Variants in SLC45A4 observed in about 807,000 individuals in gnomAD.
SLC45A4 encodes solute carrier family 45 member 4, also known as polyamine-transporter SLC45A4.
SLC45A4 carries 32 observed loss-of-function variants against 63.7 expected under a neutral mutation model. The observed-to-expected ratio is 0.50, with a 90% CI of 0.38 to 0.67. SLC45A4 has a LOEUF of 0.67. Ranked by LOEUF, SLC45A4 falls within the 30% of genes least tolerant of loss-of-function variation. The pLI is 0.00. For missense variants in SLC45A4, 1,027 were observed against 1,157.7 expected (o/e 0.89, Z 1.64); for synonymous variants, 535 against 510.0 (o/e 1.05, Z -0.66).
intron 2 of SLC45A4, among the ~76,000 whole-genome samples, chr8:141,235,064 C>G (rs1827552707): frequency 6.6e-6 from 1 of 152,198 alleles, no homozygotes; most frequent in African/African-American, 2.4e-5. Context: ...TGCTTCATCT[C>G]CGAGTGAAGG....
intron 1 of SLC45A4, among the ~76,000 whole-genome samples, chr8:141,266,582 T>C (rs936374515): frequency 2.0e-5 from 3 of 152,214 alleles, no homozygotes; most frequent in African/African-American, 7.2e-5. Context: ...GAAATCCCAC[T>C]GACTTCCAGC....
Position 141,269,583 on chromosome 8 carries a change from T to G in SLC45A4, c.-400-14954A>C, listed in dbSNP as rs564977177. Reference sequence around the variant, plus strand: ...GTGTCAATGTCTGCCTATGTGTCTGTGTGTGTGGGTGTGTCTGTGTATCAA... The same window carrying G: ...GTGTCAATGTCTGCCTATGTGTCTGGGTGTGTGGGTGTGTCTGTGTATCAA... On this transcript the variant is annotated intron_variant, in intron 1 of 8. Coordinates refer to ENST00000517878, the MANE Select transcript of SLC45A4 (RefSeq NM_001286646.2). Among the ~76,000 whole-genome samples the G allele has an allele frequency of 4.6e-5, 7 of 151,182 alleles. No homozygotes were observed. The South Asian group carries it at 1.5e-3, about 32-fold the overall frequency.
rs180952542 is a variant in SLC45A4, at chr8:141,259,314, C to T, written c.-400-4685G>A. Reference sequence around the variant, plus strand: ...GCCTTGGGACACTGCTGACCCAGCCCGCCAGTGATGGCGCTGCACGTTCAG... The same window carrying T: ...GCCTTGGGACACTGCTGACCCAGCCTGCCAGTGATGGCGCTGCACGTTCAG... On this transcript the variant is annotated intron_variant, in intron 1 of 8. Coordinates refer to ENST00000517878, the MANE Select transcript of SLC45A4 (RefSeq NM_001286646.2). 2.2e-3 allele frequency among the ~76,000 whole-genome samples: 333 copies of T among 152,338 alleles called. 3 individuals carry two copies. The highest frequency in any genetic ancestry group is 7.8e-3 in the African/African-American group (323 of 41,584).
chr8:141,253,637 G>A (rs1355061894), intron 2 of SLC45A4, among the ~76,000 whole-genome samples: 7 of 152,184 alleles, frequency 4.6e-5, no homozygotes, highest in Admixed American at 6.5e-5. Context: ...CAGTGCTGGC[G>A]ACCCTGCCCT....
intron 1 of SLC45A4, among the ~76,000 whole-genome samples, chr8:141,298,820 C>A (rs548638475): frequency 2.0e-4 from 30 of 152,198 alleles, no homozygotes; most frequent in Non-Finnish European, 3.8e-4. Flanking sequence ...GGGGAGTGAC[C>A]GCAAAGGTGC....
At chr8:141,238,586 G>T (rs1330102844) in intron 2 of SLC45A4, among the ~76,000 whole-genome samples, 5 of 152,242 alleles carry the variant, frequency 3.3e-5, no homozygotes, top group Middle Eastern at 3.4e-3. Flanking sequence ...AGTCTATCCA[G>T]CTGTGGCCAT....
intron 2 of SLC45A4, among the ~76,000 whole-genome samples, chr8:141,251,191 G>T (rs753361088): frequency 6.6e-6 from 1 of 152,112 alleles, no homozygotes; most frequent in South Asian, 2.1e-4. Context: ...TGATTAGCTC[G>T]GTGCCAAGTC....
chr8:141,249,389 A>G (rs185465547), intron 2 of SLC45A4, among the ~76,000 whole-genome samples: 3 of 152,388 alleles, frequency 2.0e-5, no homozygotes, highest in East Asian at 3.9e-4. Context: ...TAGTCAGCAC[A>G]GAAAAGGAGC....
chr8:141,300,723 C>A (rs1830714251), intron 1 of SLC45A4, among the ~76,000 whole-genome samples: 1 of 152,242 alleles, frequency 6.6e-6, no homozygotes, highest in South Asian at 2.1e-4. Flanking sequence ...TCTAACACAC[C>A]TTTCTGTCAA....
Position 141,217,186 on chromosome 8 carries a change from G to T in SLC45A4, c.1633C>A (p.Pro545Thr). 1 of 1,613,588 alleles carries T rather than the reference G, an allele frequency of 6.2e-7. No individual in the cohort carries two copies. The highest frequency in any genetic ancestry group is 8.5e-7 in the Non-Finnish European group (1 of 1,179,936). ...QVIFEGDPKAPSNSTAWQAYN... is the reference protein window; with the variant it reads ...QVIFEGDPKATSNSTAWQAYN... ...GCTTGCCAGGCGGTCGAGTTCGAGG[G>T]GGCCTGTTCCGGAAATGAGACGGGG... The change falls in exon 6 of 9, where the codon CCC becomes ACC. Residue 545 changes from proline to threonine, a missense_variant. Physicochemically the swap from Pro to Thr is conservative, Grantham distance 38 (BLOSUM62 -1). Coordinates refer to ENST00000517878, the MANE Select transcript of SLC45A4 (RefSeq NM_001286646.2).
At chr8:141,269,598 CTGTG>C (rs1158821610) in intron 1 of SLC45A4, among the ~76,000 whole-genome samples, 2 of 147,266 alleles carry the variant, frequency 1.4e-5, no homozygotes, top group African/African-American at 5.0e-5. Context: ...GTGGGTGTGT[CTGTG>C]TATCAATGTC....
intron 2 of SLC45A4, among the ~76,000 whole-genome samples, chr8:141,237,991 TAAACAA>T (rs1345053891): frequency 6.6e-6 from 1 of 152,266 alleles, no homozygotes; most frequent in Non-Finnish European, 1.5e-5. Flanking sequence ...CTTCCCAGTC[TAAACAA>T]AACATCCTTG....
rs191783896 is a variant in SLC45A4, at chr8:141,215,102, T to A, written c.1941+657A>T. On this transcript the variant is annotated intron_variant, in intron 7 of 8. Transcript: ENST00000517878. The surrounding 1 kb of genome is among the most constrained non-coding windows in gnomAD (Gnocchi z 4.3). The stretch of plus-strand genomic sequence containing the variant: ...TGCCGCCAGCAAGCACGTGAGTGAA[T>A]CCTAGAGGATGAAGCCAGATGTTTC... Among the ~76,000 whole-genome samples the A allele has an allele frequency of 1.3e-4, 20 of 152,258 alleles. No homozygotes were observed. Among genetic ancestry groups the A allele is most frequent in the Non-Finnish European group, 2.5e-4 (17 of 68,018 alleles).
At chr8:141,269,636 T>G (rs1309110061) in intron 1 of SLC45A4, among the ~76,000 whole-genome samples, 1 of 149,768 alleles carries the variant, frequency 6.7e-6, no homozygotes. Context: ...GTGCGGGGGG[T>G]GTGTGGGGGT....
At chr8:141,258,030 T>C (rs537300755) in intron 1 of SLC45A4, among the ~76,000 whole-genome samples, 3 of 152,008 alleles carry the variant, frequency 2.0e-5, no homozygotes, top group African/African-American at 7.2e-5. Flanking sequence ...ATGGTCTCTG[T>C]TGTACATTCT....
At chr8:141,291,641 T>C (rs1830351432) in intron 1 of SLC45A4, among the ~76,000 whole-genome samples, 1 of 152,218 alleles carries the variant, frequency 6.6e-6, no homozygotes, top group African/African-American at 2.4e-5. Flanking sequence ...CCAAGAGGAA[T>C]GGACAAACGT....
chr8:141,234,106 C>A (rs574011229), intron 2 of SLC45A4, among the ~76,000 whole-genome samples: 1 of 152,250 alleles, frequency 6.6e-6, no homozygotes. Context: ...AACATCGGGG[C>A]CTGCATCGCT....
intron 2 of SLC45A4, among the ~76,000 whole-genome samples, chr8:141,253,452 C>T (rs1363031068): frequency 6.6e-6 from 1 of 152,262 alleles, no homozygotes; most frequent in African/African-American, 2.4e-5. Flanking sequence ...AAGTCAACAG[C>T]AACAATGATA....
In SLC45A4 at chr8:141,218,868, A is replaced by G; in HGVS notation, c.772T>C (p.Tyr258His). The G allele has an allele frequency of 6.2e-7, 1 of 1,613,480 alleles. No homozygotes were observed. Among genetic ancestry groups the G allele is most frequent in the Non-Finnish European group, 8.5e-7 (1 of 1,179,904 alleles). ...GCGCTGCGCTCCTGCTGCGGGCTGT[A>G]CTGCTCCTCGTCGATGCTGAACAGG... ...LHLFSIDEEQ[Y>H]SPQQERSAEE... Residue 258 changes from tyrosine (Y) to histidine (H), a missense_variant, in exon 5 of 9, where the codon TAC becomes CAC. Transcript: ENST00000517878.
Sources: gnomAD v4.1 joint callset for allele counts (sites outside exome capture counted in the v4.1 genomes callset) on GRCh38, gnomAD v4.1.1 for gene constraint, Gnocchi (gnomAD v3.1) non-coding constraint, MANE v1.5 for transcripts, NCBI Gene and HGNC (gene_info 2026-07-23, HGNC 2026-07-21) for gene names.